METTL5: variants seen among roughly 807,000 people sequenced by gnomAD.
The protein encoded by METTL5 is methyltransferase 5, N6-adenosine.
A neutral mutation model predicts 26.5 loss-of-function variants in METTL5; 28 were observed. The ratio of observed to expected loss-of-function variants is 1.06; its 90% CI spans 0.78 to 1.45. METTL5 has a LOEUF of 1.45. Ranked by LOEUF, METTL5 falls within the 40% of genes most tolerant of loss-of-function variation. METTL5 has a pLI of 0.00. For missense variants in METTL5, 231 were observed against 249.9 expected, an observed-to-expected ratio of 0.92 and a Z score of 0.51; for synonymous variants, 86 against 82.6, an observed-to-expected ratio of 1.04 and a Z score of -0.22.
intron 5 of METTL5, among the ~76,000 whole-genome samples, chr2:169,814,476 A>AAAAAAAAAAAAAG (rs1259818520): frequency 1.3e-5 from 2 of 149,426 alleles, no homozygotes; most frequent in South Asian, 2.1e-4. Context: ...CTCAAAAAAA[A>AAAAAAAAAAAAAG]AAAAAGAAAA....
intron 1 of METTL5, 105 bp from the exon 2 acceptor site, chr2:169,822,162 C>T: frequency 7.0e-7 from 1 of 1,419,714 alleles, no homozygotes; most frequent in South Asian, 1.4e-5. Context: ...ATTACTTAGT[C>T]CTCCCCAAAT....
chr2:169,817,542 C>T lies in METTL5; in HGVS notation c.490-2014G>A, dbSNP rs369438117. Among the ~76,000 whole-genome samples, 42 of 152,112 alleles carry T rather than the reference C, an allele frequency of 2.8e-4. No homozygotes were observed. In the South Asian group the frequency reaches 7.3e-3, roughly 26 times the overall value. ...ACTTGGAACCAACTCAAATGTCCATCGATAATAGACTGGATAAAGAAAATG... is the reference window on the plus strand; with the variant it reads ...ACTTGGAACCAACTCAAATGTCCATTGATAATAGACTGGATAAAGAAAATG... On this transcript the variant is annotated intron_variant, in intron 4 of 6. Coordinates refer to ENST00000260953, the MANE Select transcript of METTL5 (RefSeq NM_014168.4).
In METTL5 at chr2:169,824,845, T is replaced by G; in HGVS notation, c.-248A>C. On this transcript the variant is annotated 5_prime_UTR_variant, in exon 1 of 7. Coordinates refer to ENST00000260953, the MANE Select transcript of METTL5 (RefSeq NM_014168.4). ...GCGCACTGCTGGAGCAGCCTCAGGA[T>G]CCCTCGCGCCACGACCACGCACCTC... The G allele has an allele frequency of 2.8e-6, 1 of 359,412 alleles. No homozygotes were observed. Among genetic ancestry groups the G allele is most frequent in the Non-Finnish European group, 5.2e-6 (1 of 193,304 alleles). 22.3% of individuals were successfully genotyped at this position (359,412 alleles called of 1,614,324 possible).
intron 6 of METTL5, 150 bp from the exon 7 acceptor site, chr2:169,812,008 A>G: frequency 1.2e-6 from 1 of 830,022 alleles, no homozygotes; most frequent in Non-Finnish European, 1.9e-6. Flanking sequence ...TTGTAATATG[A>G]GAATGTATTA....
At chr2:169,817,855 G>T (rs1024412867) in intron 4 of METTL5, among the ~76,000 whole-genome samples, 3 of 152,118 alleles carry the variant, frequency 2.0e-5, no homozygotes, top group Non-Finnish European at 4.4e-5. Flanking sequence ...CATGGCACAT[G>T]TCTACGTATG....
Position 169,819,560 on chromosome 2 carries a change from C to T in METTL5, c.489+1G>A. The stretch of plus-strand genomic sequence containing the variant: ...CAGAATATCAGATGATTTGAACTTA[C>T]TTCTCTAGTTGAGGATTTGTGTAAG... On this transcript the variant is annotated splice_donor_variant, in intron 4 of 6. Coordinates refer to ENST00000260953, the MANE Select transcript of METTL5 (RefSeq NM_014168.4). LOFTEE classifies it high-confidence loss of function. 6.2e-7 allele frequency: 1 copy of T among 1,602,524 alleles called. No individual in the cohort carries two copies. Among genetic ancestry groups the T allele is most frequent in the South Asian group, 1.1e-5 (1 of 90,206 alleles).
At chr2:169,823,778 C>A (rs529435025) in intron 1 of METTL5, among the ~76,000 whole-genome samples, 10 of 152,306 alleles carry the variant, frequency 6.6e-5, no homozygotes, top group African/African-American at 2.4e-4. Context: ...CGTGATCATG[C>A]CACTGCACTC....
chr2:169,816,926 A>G (rs935244749), intron 4 of METTL5, among the ~76,000 whole-genome samples: 2 of 152,270 alleles, frequency 1.3e-5, no homozygotes, highest in Non-Finnish European at 2.9e-5. Context: ...AACAAAGCCA[A>G]AATTGATAAA....
intron 1 of METTL5, among the ~76,000 whole-genome samples, chr2:169,822,392 T>C (rs1395840740): frequency 6.6e-6 from 1 of 152,222 alleles, no homozygotes; most frequent in Non-Finnish European, 1.5e-5. Context: ...CATATACTCA[T>C]ATCGGTTCTT....
rs756162969 is a variant in METTL5 at position 169,822,074 on chromosome 2, AAAAG to A, written c.110-21_110-18del. On this transcript the variant is annotated intron_variant, in intron 1 of 6. Coordinates refer to ENST00000260953, the MANE Select transcript of METTL5 (RefSeq NM_014168.4). ...GCATACATGCTAAAAAATAAAAAAA[AAAAG>A]AATAAGTAAGCAAGCCGGTGACTAA... The A allele has an allele frequency of 9.5e-6, 15 of 1,581,668 alleles. No individual in the cohort carries two copies. The highest frequency in any genetic ancestry group is 8.3e-5 in the African/African-American group (6 of 72,724).
intron 1 of METTL5, among the ~76,000 whole-genome samples, chr2:169,822,801 C>T (rs966327299): frequency 6.6e-6 from 1 of 152,102 alleles, no homozygotes; most frequent in African/African-American, 2.4e-5. Context: ...AGCCTTTAGA[C>T]ACATATACTC....
At chr2:169,816,923 C>T (rs1414483052) in intron 4 of METTL5, among the ~76,000 whole-genome samples, 2 of 152,056 alleles carry the variant, frequency 1.3e-5, no homozygotes, top group South Asian at 4.1e-4. Context: ...GGCAACAAAG[C>T]CAAAATTGAT....
At chr2:169,824,229 G>A in intron 1 of METTL5, 3 of 354,154 alleles carry the variant, frequency 8.5e-6, no homozygotes, top group East Asian at 4.9e-5. Context: ...TGTAATGTGA[G>A]AAGAGAAAAA....
intron 5 of METTL5, among the ~76,000 whole-genome samples, chr2:169,814,020 T>C (rs550615266): frequency 1.3e-5 from 2 of 152,320 alleles, no homozygotes; most frequent in Non-Finnish European, 2.9e-5. Flanking sequence ...CATGTTCCCT[T>C]ATTGCACTCT....
rs949613897 is a variant in METTL5, at chr2:169,821,194, T to A, written c.304A>T (p.Ile102Phe). The A allele has an allele frequency of 1.2e-6, 2 of 1,612,954 alleles. No homozygotes were observed. Among genetic ancestry groups the A allele is most frequent in the Admixed American group, 3.3e-5 (2 of 59,950 alleles). The stretch of plus-strand genomic sequence containing the variant: ...CACACATCACATTGAACCATGTCAA[T>A]ATTTGTTAACTCAAACTCTTCTGCA... ...RNAEEFELTN[I>F]DMVQCDVCLL... The change falls in exon 3 of 7, where the codon ATT becomes TTT. Residue 102 changes from isoleucine (I) to phenylalanine (F), a missense_variant. Physicochemically the swap from Ile to Phe is conservative, Grantham distance 21. Coordinates refer to ENST00000260953, the MANE Select transcript of METTL5 (RefSeq NM_014168.4).
Position 169,811,830 on chromosome 2 carries a change from A to G in METTL5, c.620T>C (p.Phe207Ser), listed in dbSNP as rs759901152. ...TTGTTTGCGGGGCTTTTAAAAGGAA[A>G]ACCGAATTAGGTCCACTTCAATGTC... ...SVDIEVDLIR[F>S]SF The change falls in exon 7 of 7, where the codon TTT (phenylalanine) becomes TCT (serine). Residue 207 changes from phenylalanine to serine, a missense_variant. Phe to Ser is a radical substitution (Grantham distance 155). Transcript: ENST00000260953. 1 of 1,613,700 alleles carries G rather than the reference A, an allele frequency of 6.2e-7. No individual in the cohort carries two copies. Among genetic ancestry groups the G allele is most frequent in the Non-Finnish European group, 8.5e-7 (1 of 1,179,790 alleles).
chr2:169,821,295 A>C, intron 2 of METTL5, 22 bp from the exon 3 acceptor site: 1 of 1,533,864 alleles, frequency 6.5e-7, no homozygotes, highest in Non-Finnish European at 8.8e-7. Context: ...AAACACATAC[A>C]AAGAGTGGCG....
intron 4 of METTL5, 93 bp from the exon 5 acceptor site, chr2:169,815,621 C>A: frequency 1.1e-6 from 1 of 877,946 alleles, no homozygotes; most frequent in South Asian, 1.9e-5. Flanking sequence ...AGTTTTTAAG[C>A]TTAAAATTTC....
intron 5 of METTL5, among the ~76,000 whole-genome samples, chr2:169,815,149 T>TC (rs1395466296): frequency 1.3e-5 from 2 of 152,140 alleles, no homozygotes; most frequent in Non-Finnish European, 2.9e-5. Flanking sequence ...CACCTTGGCC[T>TC]CCCAAAGTGC....
Sources: allele counts gnomAD v4.1 joint callset (sites outside exome capture counted in the v4.1 genomes callset), GRCh38; gene constraint gnomAD v4.1.1; transcripts MANE v1.5; gene names NCBI Gene and HGNC (gene_info 2026-07-23, HGNC 2026-07-21).